The following DOCK3 variants were observed in gnomAD, a reference collection of about 807,000 sequenced individuals.
DOCK3 encodes dedicator of cytokinesis protein 3.
A neutral mutation model predicts 265.6 loss-of-function variants in DOCK3; 60 were observed. The ratio of observed to expected loss-of-function variants is 0.23; its 90% CI spans 0.18 to 0.28. The LOEUF (loss-of-function observed/expected upper bound fraction) is 0.28, where lower values mean the gene tolerates loss of function less well. Ranked by LOEUF, DOCK3 falls within the 10% of genes least tolerant of loss-of-function variation. The pLI, the probability that DOCK3 is intolerant of heterozygous loss-of-function variation, is 1.00. For missense variants in DOCK3, 1,981 were observed against 2,594.3 expected, an observed-to-expected ratio of 0.76 and a Z score of 5.14; for synonymous variants, 881 against 938.0, an observed-to-expected ratio of 0.94 and a Z score of 1.11.
At position 51,380,178 on chromosome 3, in the gene DOCK3, C is replaced by A. The variant is rs1306143718; in HGVS notation, c.5554C>A (p.Pro1852Thr). The change falls in exon 52 of 53, where the codon CCA becomes ACA. Residue 1852 changes from proline (P) to threonine (T), a missense_variant. By Grantham distance (38) the Pro-to-Thr change is conservative. This residue lies in a region of DOCK3 where 1,357 missense variants were observed against 1,866.8 expected (regional missense o/e 0.73). Transcript: ENST00000266037. ...CCACCACCCTCTGGGTGATACCCCC[C>A]CAGCCCTCCCTGCCCGGACCCTGCG... The part of the protein sequence containing the change: ...AFHHPLGDTP[P>T]ALPARTLRKS... 1.2e-6 allele frequency: 2 copies of A among 1,613,554 alleles called. No individual in the cohort carries two copies. Among genetic ancestry groups the A allele is most frequent in the African/African-American group, 2.7e-5 (2 of 74,930 alleles).
Position 51,381,959 on chromosome 3 carries a change from A to C in DOCK3, c.*400A>C. The stretch of plus-strand genomic sequence containing the variant: ...TCCCTCCAGGGTAGAGATGCACCGA[A>C]TGGAAATTGCACTAAGGACCTCTTC... On this transcript the variant is annotated 3_prime_UTR_variant, in exon 53 of 53. Coordinates refer to ENST00000266037, the MANE Select transcript of DOCK3 (RefSeq NM_004947.5). The surrounding 1 kb of genome is among the most constrained non-coding windows in gnomAD (Gnocchi z 5.6). 1 of 169,828 alleles carries C rather than the reference A, an allele frequency of 5.9e-6. No homozygotes were observed. The highest frequency in any genetic ancestry group is 1.3e-5 in the Non-Finnish European group (1 of 79,888). The allele number at this position is 169,828 out of a possible 1,614,324, so 10.5% of individuals were successfully genotyped here. A position where few individuals can be genotyped will look rare whatever the true frequency, so the allele number is the denominator to read the frequency against.
At chr3:51,257,426 A>G (rs531306776) in intron 22 of DOCK3, among the ~76,000 whole-genome samples, 1 of 152,350 alleles carries the variant, frequency 6.6e-6, no homozygotes, top group African/African-American at 2.4e-5. Context: ...CTTCAGAAGC[A>G]TGACCTTAAG....
intron 9 of DOCK3, among the ~76,000 whole-genome samples, chr3:51,145,834 G>A (rs997259677): frequency 6.6e-6 from 1 of 152,172 alleles, no homozygotes; most frequent in African/African-American, 2.4e-5. Flanking sequence ...AGGTGGTGGT[G>A]TGGGATGGTT....
chr3:50,676,594 T>C (rs1346241236), intron 1 of DOCK3, among the ~76,000 whole-genome samples: 1 of 151,966 alleles, frequency 6.6e-6, no homozygotes, highest in Non-Finnish European at 1.5e-5. Context: ...GTTTATCTTC[T>C]CCATAACTCG....
chr3:51,341,806 T>C (rs2085260112), intron 38 of DOCK3, among the ~76,000 whole-genome samples: 1 of 152,254 alleles, frequency 6.6e-6, no homozygotes, highest in Non-Finnish European at 1.5e-5. Context: ...CTAAACTGCC[T>C]CTTACTGGTA....
intron 23 of DOCK3, among the ~76,000 whole-genome samples, chr3:51,264,791 C>G (rs1560312266): frequency 6.7e-6 from 1 of 149,732 alleles, no homozygotes; most frequent in Admixed American, 6.7e-5. Context: ...CGCGCCACCA[C>G]ACTCCAGCCT....
chr3:51,239,448 G>A (rs191048578), intron 21 of DOCK3, among the ~76,000 whole-genome samples: 8 of 151,936 alleles, frequency 5.3e-5, no homozygotes, highest in East Asian at 1.9e-4. Context: ...GACCTGCCTC[G>A]GCCTCCCAAA....
At chr3:50,789,656 T>G (rs2042360708) in intron 2 of DOCK3, among the ~76,000 whole-genome samples, 1 of 152,178 alleles carries the variant, frequency 6.6e-6, no homozygotes, top group African/African-American at 2.4e-5. Flanking sequence ...ATTTGGGAGC[T>G]CCAGTGTTAG....
chr3:50,836,940 T>C (rs1400210993), intron 2 of DOCK3, among the ~76,000 whole-genome samples: 2 of 152,226 alleles, frequency 1.3e-5, no homozygotes, highest in Non-Finnish European at 2.9e-5. Flanking sequence ...TGCTAAACTA[T>C]AGCAAGAGTC....
At chr3:50,855,013 G>A (rs981944043) in intron 3 of DOCK3, among the ~76,000 whole-genome samples, 10 of 151,970 alleles carry the variant, frequency 6.6e-5, no homozygotes, top group South Asian at 2.1e-4. Context: ...CCATTACCAC[G>A]CTGTTTCACT....
chr3:50,681,440 A>G (rs2034405188), intron 1 of DOCK3, among the ~76,000 whole-genome samples: 1 of 152,224 alleles, frequency 6.6e-6, no homozygotes. Flanking sequence ...GGTATGCTAT[A>G]TTAGGATTTT....
chr3:51,205,619 C>T (rs1313043329), intron 12 of DOCK3, among the ~76,000 whole-genome samples: 1 of 151,902 alleles, frequency 6.6e-6, no homozygotes, highest in African/African-American at 2.4e-5. Flanking sequence ...GGGGGATCAC[C>T]TGAGCCTGGG....
intron 2 of DOCK3, among the ~76,000 whole-genome samples, chr3:50,809,140 G>C (rs145987475): frequency 6.6e-6 from 1 of 152,282 alleles, no homozygotes; most frequent in East Asian, 1.9e-4. Context: ...TTGTTCAAAA[G>C]ATCGTTAAGT....
chr3:51,134,251 G>A (rs371046524), intron 9 of DOCK3, among the ~76,000 whole-genome samples: 28 of 152,274 alleles, frequency 1.8e-4, no homozygotes, highest in East Asian at 5.8e-4. Flanking sequence ...ATGCCTGCAT[G>A]TGTCTTTATG....
At chr3:51,325,682 G>T (rs1012825503) in intron 32 of DOCK3, among the ~76,000 whole-genome samples, 1 of 152,108 alleles carries the variant, frequency 6.6e-6, no homozygotes, top group African/African-American at 2.4e-5. Context: ...TCAATGATAG[G>T]CTGGATAAAG....
intron 9 of DOCK3, among the ~76,000 whole-genome samples, chr3:51,131,589 A>C: frequency 6.6e-6 from 1 of 152,220 alleles, no homozygotes; most frequent in East Asian, 1.9e-4. Flanking sequence ...TATCCGTTCA[A>C]CCTAGAAATT....
At chr3:50,836,851 C>T (rs1349264530) in intron 2 of DOCK3, among the ~76,000 whole-genome samples, 2 of 152,172 alleles carry the variant, frequency 1.3e-5, no homozygotes, top group African/African-American at 4.8e-5. Context: ...ATGTCTTCCG[C>T]CAGATACCCT....
At chr3:50,756,932 C>T (rs574271447) in intron 1 of DOCK3, among the ~76,000 whole-genome samples, 2 of 152,094 alleles carry the variant, frequency 1.3e-5, no homozygotes, top group African/African-American at 4.8e-5. Flanking sequence ...TGGATCATGG[C>T]TCACTGCAGC....
intron 3 of DOCK3, among the ~76,000 whole-genome samples, chr3:50,854,259 T>TGTGTTG (rs1307211624): frequency 1.3e-5 from 2 of 152,158 alleles, no homozygotes; most frequent in African/African-American, 2.4e-5. Flanking sequence ...TCTTAGATTG[T>TGTGTTG]GTGTTGATTC....
Sources: gnomAD v4.1 joint callset for allele counts (sites outside exome capture counted in the v4.1 genomes callset) on GRCh38, gnomAD v4.1.1 for gene constraint, gnomAD v4.1.1 regional missense constraint, Gnocchi (gnomAD v3.1) non-coding constraint, MANE v1.5 for transcripts, NCBI Gene and HGNC (gene_info 2026-07-23, HGNC 2026-07-21) for gene names.